Variants in CAPS2 observed in about 807,000 individuals in gnomAD.
The protein encoded by CAPS2 is calcyphosin-2.
A neutral mutation model predicts 86.5 loss-of-function variants in CAPS2; 98 were observed. That is an observed-to-expected ratio of 1.13 (90% confidence interval 0.96 to 1.34). The LOEUF is 1.34. Among genes scored for constraint, CAPS2 ranks in the 40% most tolerant of loss-of-function variants. CAPS2 has a pLI of 0.00. For missense variants in CAPS2, 729 were observed against 686.8 expected, an observed-to-expected ratio of 1.06 and a Z score of -0.69; for synonymous variants, 210 against 225.1, an observed-to-expected ratio of 0.93 and a Z score of 0.60.
intron 1 of CAPS2, among the ~76,000 whole-genome samples, chr12:75,341,880 T>C (rs1015477748): frequency 6.6e-6 from 1 of 150,868 alleles, no homozygotes; most frequent in African/African-American, 2.4e-5. Context: ...TCCTGAGTAG[T>C]TGGGATTACA....
intron 2 of CAPS2, among the ~76,000 whole-genome samples, chr12:75,323,648 C>T (rs2040509661): frequency 6.6e-6 from 1 of 152,184 alleles, no homozygotes; most frequent in South Asian, 2.1e-4. Context: ...GAGGCTAAGG[C>T]AGGAGAATCA....
At chr12:75,283,941 A>C (rs1038854425) in intron 15 of CAPS2, among the ~76,000 whole-genome samples, 2 of 152,222 alleles carry the variant, frequency 1.3e-5, no homozygotes, top group Non-Finnish European at 2.9e-5. Flanking sequence ...AAACCTGCTG[A>C]CACCTTGTTT....
chr12:75,322,419 G>A (rs367901532), intron 4 of CAPS2, among the ~76,000 whole-genome samples: 26 of 152,156 alleles, frequency 1.7e-4, no homozygotes, highest in African/African-American at 6.0e-4. Flanking sequence ...TAACCCACAG[G>A]AGAAGGATGA....
At chr12:75,278,937 C>A in exon 17 of CAPS2, 1 of 1,605,026 alleles carries the variant, frequency 6.2e-7, no homozygotes, top group Non-Finnish European at 8.5e-7. Context: ...TCTTCATCAT[C>A]TACTATTCCT....
upstream of CAPS2, chr12:75,333,651 G>A (rs1437257605): frequency 6.6e-6 from 1 of 151,984 alleles, no homozygotes; most frequent in Non-Finnish European, 1.5e-5. Context: ...CTAATTTTCT[G>A]CTTTTTATTT....
intron 9 of CAPS2, 36 bp from the exon 10 acceptor site, chr12:75,299,002 A>T (rs777131257): frequency 3.7e-6 from 5 of 1,353,782 alleles, no homozygotes; most frequent in Non-Finnish European, 4.1e-6. Flanking sequence ...ATCTTCAAAT[A>T]GAATAATTTT....
intron 13 of CAPS2, among the ~76,000 whole-genome samples, chr12:75,291,144 C>T (rs542904811): frequency 6.6e-6 from 1 of 151,834 alleles, no homozygotes. Context: ...ATGAGAAGTA[C>T]TATCATCCCT....
At chr12:75,291,799 C>G in exon 13 of CAPS2, 3 of 1,554,640 alleles carry the variant, frequency 1.9e-6, no homozygotes, top group Non-Finnish European at 2.6e-6. Flanking sequence ...TTATATCATC[C>G]TCCTGTTCCA....
At chr12:75,373,405 A>G (rs968838214) in intron 1 of CAPS2, 3 of 152,134 alleles carry the variant, frequency 2.0e-5, no homozygotes, top group Admixed American at 6.6e-5. Context: ...GTCCATCCAC[A>G]TACCTCTTCT....
rs577658480 is a variant in CAPS2, at chr12:75,306,986, C to T, written c.660-2110G>A. Reference sequence around the variant, plus strand: ...CTCAGAGGAGAAGGAGTAAGGGTACCACAAGCAGAGGAACAATATGTGTAC... The same window carrying T: ...CTCAGAGGAGAAGGAGTAAGGGTACTACAAGCAGAGGAACAATATGTGTAC... On this transcript the variant is annotated intron_variant, in intron 7 of 16. Transcript: ENST00000393284. Among the ~76,000 whole-genome samples, 11 of 151,926 alleles carry T rather than the reference C, an allele frequency of 7.2e-5. No individual in the cohort carries two copies. The East Asian group carries it at 2.1e-3, about 30-fold the overall frequency.
At chr12:75,324,108 T>C (rs2040551807) in intron 2 of CAPS2, among the ~76,000 whole-genome samples, 1 of 152,194 alleles carries the variant, frequency 6.6e-6, no homozygotes. Context: ...CAAAATACAC[T>C]GAAGAAACAT....
intron 8 of CAPS2, 123 bp downstream of exon 8, chr12:75,304,634 A>T: frequency 1.4e-6 from 1 of 695,310 alleles, no homozygotes; most frequent in Non-Finnish European, 2.1e-6. Flanking sequence ...AAAAAATTCC[A>T]CTTTTCTTTA....
At chr12:75,388,652 T>C (rs2045414215) in intron 1 of CAPS2, among the ~76,000 whole-genome samples, 1 of 152,122 alleles carries the variant, frequency 6.6e-6, no homozygotes, top group Non-Finnish European at 1.5e-5. Context: ...GAGAGATGAA[T>C]AGTCTGAGCA....
downstream of CAPS2, chr12:75,276,165 A>T (rs1357803425): frequency 1.3e-6 from 2 of 1,514,680 alleles, no homozygotes; most frequent in Non-Finnish European, 1.8e-6. Flanking sequence ...GGCTTATTTT[A>T]TATATGCCCA....
At chr12:75,325,370 T>C (rs990007998) in intron 1 of CAPS2, 82 bp from the exon 3 acceptor site, 17 of 1,013,186 alleles carry the variant, frequency 1.7e-5, no homozygotes, top group Non-Finnish European at 2.3e-5. Context: ...AATAAGTCAA[T>C]GCAATAAAGC....
At chr12:75,379,314 T>C (rs2044830341) in intron 1 of CAPS2, among the ~76,000 whole-genome samples, 1 of 152,250 alleles carries the variant, frequency 6.6e-6, no homozygotes. Flanking sequence ...TTTGGGTCCA[T>C]GCTAAAGCTA....
chr12:75,330,301 G>C (rs1308584891), upstream of CAPS2, among the ~76,000 whole-genome samples: 1 of 152,182 alleles, frequency 6.6e-6, no homozygotes, highest in Non-Finnish European at 1.5e-5. Flanking sequence ...AGCTACAGCC[G>C]CCGCAGCCTC....
At chr12:75,312,712 T>G (rs1157090874) in intron 7 of CAPS2, 136 bp downstream of exon 7, 1 of 570,750 alleles carries the variant, frequency 1.8e-6, no homozygotes, top group East Asian at 2.8e-5. Flanking sequence ...ACACTAACGG[T>G]GCAGTAAACA....
chr12:75,334,919 GC>G (rs1249831058), upstream of CAPS2: 1 of 1,609,480 alleles, frequency 6.2e-7, no homozygotes, highest in East Asian at 2.2e-5. Flanking sequence ...AAGAACCAGG[GC>G]TGGGCTCTTA....
Sources: allele counts gnomAD v4.1 joint callset (sites outside exome capture counted in the v4.1 genomes callset), GRCh38; gene constraint gnomAD v4.1.1; transcripts MANE v1.5; gene names NCBI Gene and HGNC (gene_info 2026-07-23, HGNC 2026-07-21).